Variants in PRKAG2 observed in about 807,000 individuals in gnomAD.
PRKAG2 encodes the protein 5'-AMP-activated protein kinase subunit gamma-2.
A neutral mutation model predicts 69.6 loss-of-function variants in PRKAG2; 26 were observed. That is an observed-to-expected ratio of 0.37 (90% CI 0.27 to 0.52). PRKAG2 has a LOEUF of 0.52. Among genes scored for constraint, PRKAG2 ranks in the 20% least tolerant of loss-of-function variants. The probability of loss-of-function intolerance (pLI) is 0.90; values close to 1 mark genes in which losing one functional copy is unlikely to be tolerated. For missense variants in PRKAG2, 557 were observed against 740.0 expected (o/e 0.75, Z 2.87); for synonymous variants, 293 against 285.0 (o/e 1.03, Z -0.28).
intron 1 of PRKAG2, among the ~76,000 whole-genome samples, chr7:151,821,942 C>T (rs560539827): frequency 8.7e-4 from 132 of 152,290 alleles, no homozygotes; most frequent in Admixed American, 2.4e-3. Context: ...CACATATGCA[C>T]ATCTGTAGGC....
At chr7:151,730,510 CA>C (rs1400101130) in intron 3 of PRKAG2, among the ~76,000 whole-genome samples, 1 of 152,094 alleles carries the variant, frequency 6.6e-6, no homozygotes, top group African/African-American at 2.4e-5. Context: ...TTTTTAAAAA[CA>C]AATTTAAAAA....
intron 1 of PRKAG2, among the ~76,000 whole-genome samples, chr7:151,876,270 C>T (rs1255261653): frequency 6.6e-6 from 1 of 151,754 alleles, no homozygotes; most frequent in East Asian, 1.9e-4. Flanking sequence ...CTGCAGCCGC[C>T]CAGCCCCCGC....
chr7:151,596,706 G>C (rs1008246837), intron 5 of PRKAG2, among the ~76,000 whole-genome samples: 1 of 151,946 alleles, frequency 6.6e-6, no homozygotes, highest in Non-Finnish European at 1.5e-5. Context: ...CTGAGATTGC[G>C]GCACTGCACT....
chr7:151,845,033 C>T lies in PRKAG2; in HGVS notation c.114+31474G>A, dbSNP rs112335174. ...GAGCTCCAGGGATGGCGGCAGGCAG[C>T]CTCCGCCCCGCACAAGGGTGCTGGG... On this transcript the variant is annotated intron_variant, in intron 1 of 15. Coordinates refer to ENST00000287878, the MANE Select transcript of PRKAG2 (RefSeq NM_016203.4). Among the ~76,000 whole-genome samples the T allele has an allele frequency of 6.6e-3, 999 of 152,182 alleles. 16 individuals are homozygous for T. The highest frequency in any genetic ancestry group is 0.023 in the African/African-American group (953 of 41,514).
At chr7:151,726,168 T>C (rs1160307564) in intron 3 of PRKAG2, among the ~76,000 whole-genome samples, 5 of 152,024 alleles carry the variant, frequency 3.3e-5, no homozygotes, top group Non-Finnish European at 7.4e-5. Flanking sequence ...GCTCAGGACA[T>C]GGGGCGCTGG....
intron 3 of PRKAG2, among the ~76,000 whole-genome samples, chr7:151,745,544 C>T (rs541050545): frequency 6.2e-4 from 94 of 152,262 alleles, no homozygotes; most frequent in African/African-American, 2.1e-3. Flanking sequence ...GTGGTGACCA[C>T]AGGAACTGGA....
chr7:151,595,501 C>T (rs573051182), intron 5 of PRKAG2, 47 bp from the exon 6 acceptor site: 3 of 1,300,458 alleles, frequency 2.3e-6, no homozygotes, highest in African/African-American at 2.9e-5. Context: ...AGAATTCCCT[C>T]AATCGGATGA....
chr7:151,815,347 A>G (rs2078610313), intron 1 of PRKAG2, among the ~76,000 whole-genome samples: 2 of 152,066 alleles, frequency 1.3e-5, no homozygotes, highest in African/African-American at 4.8e-5. Context: ...CAATTCCTGG[A>G]GATAGTAAGC....
chr7:151,865,207 C>T (rs1024106143), intron 1 of PRKAG2, among the ~76,000 whole-genome samples: 39 of 152,330 alleles, frequency 2.6e-4, no homozygotes, highest in African/African-American at 9.4e-4. Flanking sequence ...GGCTGGCCCT[C>T]TTGCTGCTGC....
At chr7:151,702,040 TGGTAGCCCTG>T (rs1837800723) in intron 3 of PRKAG2, among the ~76,000 whole-genome samples, 1 of 152,076 alleles carries the variant, frequency 6.6e-6, no homozygotes, top group Non-Finnish European at 1.5e-5. Context: ...CTGTTGTGTA[TGGTAGCCCTG>T]GGTGCTAATC....
intron 1 of PRKAG2, among the ~76,000 whole-genome samples, chr7:151,875,605 G>A (rs2151919027): frequency 7.9e-6 from 1 of 126,618 alleles, no homozygotes; most frequent in Non-Finnish European, 1.8e-5. Flanking sequence ...GTGTGTGTGT[G>A]TGTGTGTGTA....
At chr7:151,603,731 T>C (rs1490800249) in intron 5 of PRKAG2, among the ~76,000 whole-genome samples, 1 of 152,200 alleles carries the variant, frequency 6.6e-6, no homozygotes, top group Non-Finnish European at 1.5e-5. Flanking sequence ...CTTAATCACC[T>C]GAGTGAAGTC....
Position 151,823,290 on chromosome 7 carries a change from C to T in PRKAG2, c.115-36749G>A, listed in dbSNP as rs117784433. Among the ~76,000 whole-genome samples the T allele has an allele frequency of 3.1e-3, 476 of 151,942 alleles. 4 individuals carry two copies. Among genetic ancestry groups the T allele is most frequent in the East Asian group, 0.025 (130 of 5,156 alleles). On this transcript the variant is annotated intron_variant, in intron 1 of 15. Coordinates refer to ENST00000287878, the MANE Select transcript of PRKAG2 (RefSeq NM_016203.4). The stretch of plus-strand genomic sequence containing the variant: ...ATAAACACTAAAACTTAAGCTGAAA[C>T]TTCTTAAATGTTTTAATGATTTTAA...
intron 3 of PRKAG2, among the ~76,000 whole-genome samples, chr7:151,707,158 G>T (rs796153297): frequency 1.3e-5 from 2 of 152,176 alleles, no homozygotes; most frequent in South Asian, 2.1e-4. Context: ...ATAGCAACTG[G>T]ACCATGTCAT....
chr7:151,686,279 T>C (rs2151511088), intron 3 of PRKAG2, among the ~76,000 whole-genome samples: 1 of 152,294 alleles, frequency 6.6e-6, no homozygotes. Context: ...TTTGGAACCA[T>C]TCATTTAATC....
chr7:151,802,938 A>G (rs1217495097), intron 1 of PRKAG2, among the ~76,000 whole-genome samples: 1 of 66,766 alleles, frequency 1.5e-5, no homozygotes, highest in African/African-American at 9.5e-5. Context: ...TGATATATAT[A>G]TAAGCAATAT....
intron 8 of PRKAG2, among the ~76,000 whole-genome samples, chr7:151,574,466 A>AT (rs888262738): frequency 3.3e-5 from 5 of 152,262 alleles, no homozygotes; most frequent in Admixed American, 1.3e-4. Flanking sequence ...TTAATGACTC[A>AT]TTTTTTTCTG....
intron 3 of PRKAG2, among the ~76,000 whole-genome samples, chr7:151,773,049 G>GGGA (rs2076139438): frequency 1.9e-5 from 1 of 51,768 alleles, no homozygotes; most frequent in African/African-American, 9.9e-5. Flanking sequence ...GAGAGAGAGA[G>GGGA]AGAGGGAGGG....
Position 151,726,401 on chromosome 7 carries a change from C to CACACAT in PRKAG2, c.467-50765_467-50764insATGTGT, listed in dbSNP as rs58779911. 3.6e-5 allele frequency among the ~76,000 whole-genome samples: 3 copies of CACACAT among 83,458 alleles called. No individual in the cohort carries two copies. In the South Asian group the frequency reaches 1.8e-3, roughly 50 times the overall value. 54.8% of individuals were successfully genotyped at this position (83,458 alleles called of 152,430 possible). A position where few individuals can be genotyped will look rare whatever the true frequency, so the allele number is the denominator to read the frequency against. ...ACACACACACACACACACACACACA[C>CACACAT]GCACACACACACAGAGCTGATGCCA... On this transcript the variant is annotated intron_variant, in intron 3 of 15. Transcript: ENST00000287878.
Sources: gnomAD v4.1 joint callset for allele counts (sites outside exome capture counted in the v4.1 genomes callset) on GRCh38, gnomAD v4.1.1 for gene constraint, MANE v1.5 for transcripts, NCBI Gene and HGNC (gene_info 2026-07-23, HGNC 2026-07-21) for gene names.